Variants in MMP16 observed in about 807,000 individuals in gnomAD.
The protein encoded by MMP16 is matrix metalloproteinase-16.
MMP16 carries 12 observed loss-of-function variants against 67.8 expected under a neutral mutation model. The observed-to-expected ratio is 0.18, with a 90% CI of 0.11 to 0.29. The LOEUF (loss-of-function observed/expected upper bound fraction) is 0.29. MMP16 is among the 10% of genes least tolerant of loss of function. The pLI is 1.00. For missense variants in MMP16, 475 were observed against 765.7 expected (o/e 0.62, Z 4.48); for synonymous variants, 249 against 255.9 (o/e 0.97, Z 0.26).
At chr8:88,283,859 T>C (rs1810781277) in intron 1 of MMP16, among the ~76,000 whole-genome samples, 1 of 152,190 alleles carries the variant, frequency 6.6e-6, no homozygotes, top group Non-Finnish European at 1.5e-5. Flanking sequence ...AGCTGCTCAC[T>C]GACTACACAA....
rs925606934 is a variant in MMP16 at position 88,037,765 on chromosome 8, CAAT to C, written c.*3693_*3695del. ...ATTTGTTTAATAATACACAGAACAA[CAAT>C]ATTTTACTAAAATTCTTAACTATAT... On this transcript the variant is annotated 3_prime_UTR_variant, in exon 10 of 10. Transcript: ENST00000286614. 17 of 151,906 alleles carry C rather than the reference CAAT, an allele frequency of 1.1e-4. No homozygotes were observed. The highest frequency in any genetic ancestry group is 4.1e-4 in the African/African-American group (17 of 41,414). 9.4% of individuals were successfully genotyped at this position (151,906 alleles called of 1,614,324 possible). A position where few individuals can be genotyped will look rare whatever the true frequency, so the allele number is the denominator to read the frequency against.
chr8:88,299,317 C>CA (rs927312102), intron 1 of MMP16, among the ~76,000 whole-genome samples: 20 of 150,900 alleles, frequency 1.3e-4, no homozygotes, highest in Admixed American at 2.6e-4. Flanking sequence ...AATAAAAAGG[C>CA]AAAAAAAAGA....
chr8:88,087,673 G>A (rs1439690162), intron 6 of MMP16, among the ~76,000 whole-genome samples: 4 of 151,760 alleles, frequency 2.6e-5, no homozygotes, highest in Non-Finnish European at 5.9e-5. Flanking sequence ...GCCCAGTGCA[G>A]TGGCTCACTC....
intron 6 of MMP16, among the ~76,000 whole-genome samples, chr8:88,080,413 G>A (rs972288752): frequency 5.3e-5 from 8 of 152,026 alleles, no homozygotes; most frequent in African/African-American, 1.9e-4. Flanking sequence ...GCAATCATGT[G>A]TTGTTTTATT....
intron 4 of MMP16, among the ~76,000 whole-genome samples, chr8:88,140,974 T>C (rs556586657): frequency 2.7e-4 from 41 of 152,292 alleles, no homozygotes; most frequent in African/African-American, 8.9e-4. Context: ...TGAATACTAG[T>C]CCTTCCCAGT....
chr8:88,282,333 A>G (rs2129997061), intron 1 of MMP16, among the ~76,000 whole-genome samples: 1 of 152,284 alleles, frequency 6.6e-6, no homozygotes, highest in South Asian at 2.1e-4. Flanking sequence ...TCAGCCTCCC[A>G]AAGTGCTGGG....
intron 1 of MMP16, among the ~76,000 whole-genome samples, chr8:88,324,036 A>G (rs187706130): frequency 3.3e-5 from 5 of 152,274 alleles, no homozygotes; most frequent in Admixed American, 1.3e-4. Context: ...AAAGGGATCC[A>G]ATGATATATG....
chr8:88,134,976 T>TA, intron 4 of MMP16, among the ~76,000 whole-genome samples: 1 of 151,756 alleles, frequency 6.6e-6, no homozygotes, highest in East Asian at 1.9e-4. Context: ...TTTTCATCAT[T>TA]AAAAAAAGGA....
At chr8:88,145,709 C>T (rs1808279092) in intron 4 of MMP16, among the ~76,000 whole-genome samples, 1 of 152,070 alleles carries the variant, frequency 6.6e-6, no homozygotes, top group East Asian at 1.9e-4. Flanking sequence ...CTAACTTCAA[C>T]AAATGGGATA....
chr8:88,154,954 G>T (rs1746444922), intron 4 of MMP16, among the ~76,000 whole-genome samples: 1 of 150,984 alleles, frequency 6.6e-6, no homozygotes, highest in Non-Finnish European at 1.5e-5. Flanking sequence ...TGGCAGTATA[G>T]ATCATTAATA....
At chr8:88,292,806 T>A (rs1810947755) in intron 1 of MMP16, among the ~76,000 whole-genome samples, 1 of 152,194 alleles carries the variant, frequency 6.6e-6, no homozygotes, top group African/African-American at 2.4e-5. Context: ...CAAGAAATTA[T>A]ACTTGTAAAT....
chr8:88,286,429 A>T (rs542661439), intron 1 of MMP16, among the ~76,000 whole-genome samples: 1 of 152,214 alleles, frequency 6.6e-6, no homozygotes, highest in East Asian at 1.9e-4. Flanking sequence ...AAGTATTAAA[A>T]ATTGTTTTTC....
At chr8:88,184,854 C>A (rs192193075) in intron 3 of MMP16, among the ~76,000 whole-genome samples, 38 of 150,396 alleles carry the variant, frequency 2.5e-4, no homozygotes, top group Admixed American at 1.2e-3. Flanking sequence ...AAAAGGGTCA[C>A]CAGACAAGAG....
intron 7 of MMP16, among the ~76,000 whole-genome samples, chr8:88,056,547 A>T (rs1267501178): frequency 6.6e-6 from 1 of 152,086 alleles, no homozygotes; most frequent in Non-Finnish European, 1.5e-5. Flanking sequence ...TAAAAAATAA[A>T]ATAGATCTAT....
At chr8:88,253,560 T>A (rs1014281973) in intron 1 of MMP16, among the ~76,000 whole-genome samples, 3 of 152,030 alleles carry the variant, frequency 2.0e-5, no homozygotes, top group Admixed American at 6.6e-5. Context: ...CAAATCCCTA[T>A]TGAGGGGCAG....
At chr8:88,145,331 T>G (rs1018106356) in intron 4 of MMP16, among the ~76,000 whole-genome samples, 8 of 151,940 alleles carry the variant, frequency 5.3e-5, no homozygotes, top group African/African-American at 1.7e-4. Flanking sequence ...CATTAACATA[T>G]CTAAAGAAAG....
At chr8:88,324,924 C>A (rs1035280041) in intron 1 of MMP16, among the ~76,000 whole-genome samples, 1 of 152,058 alleles carries the variant, frequency 6.6e-6, no homozygotes, top group African/African-American at 2.4e-5. Context: ...AAAATGAGCT[C>A]AAGAGCTTAA....
rs529783599 is a variant in MMP16, at chr8:88,108,886, T to C, written c.1083+7621A>G. 9.3e-4 allele frequency among the ~76,000 whole-genome samples: 141 copies of C among 151,462 alleles called. 1 individual carries two copies. The highest frequency in any genetic ancestry group is 3.4e-3 in the African/African-American group (139 of 41,474). ...TTTTAGATTTCCATCATTAAAGTTG[T>C]CTATTGTAAAGTAAAGTTGTGTGTT... On this transcript the variant is annotated intron_variant, in intron 6 of 9. Transcript: ENST00000286614.
intron 2 of MMP16, among the ~76,000 whole-genome samples, chr8:88,196,081 G>C (rs1445350510): frequency 2.6e-5 from 4 of 152,058 alleles, no homozygotes; most frequent in African/African-American, 9.7e-5. Flanking sequence ...TATATAGCAG[G>C]GCAAGTTCCC....
Sources: gnomAD v4.1 joint callset for allele counts (sites outside exome capture counted in the v4.1 genomes callset) on GRCh38, gnomAD v4.1.1 for gene constraint, MANE v1.5 for transcripts, NCBI Gene and HGNC (gene_info 2026-07-23, HGNC 2026-07-21) for gene names.